The following ITGA4 variants were observed in gnomAD, a reference collection of about 807,000 sequenced individuals.
ITGA4 encodes the protein integrin alpha-4.
A neutral mutation model predicts 133.6 loss-of-function variants in ITGA4; 63 were observed. The ratio of observed to expected loss-of-function variants is 0.47; its 90% CI spans 0.38 to 0.58. The LOEUF (loss-of-function observed/expected upper bound fraction) is 0.58, where lower values mean the gene tolerates loss of function less well. Ranked by LOEUF, ITGA4 falls within the 20% of genes least tolerant of loss-of-function variation. ITGA4 has a pLI of 0.00. For synonymous variants in ITGA4, 483 were observed against 438.0 expected, an observed-to-expected ratio of 1.10 and a Z score of -1.28; for missense variants, 1,076 against 1,252.7, an observed-to-expected ratio of 0.86 and a Z score of 2.13.
At chr2:181,493,100 G>C in intron 10 of ITGA4, 1 of 409,300 alleles carries the variant, frequency 2.4e-6, no homozygotes. Context: ...TTGTTACACT[G>C]CCTCTCAGAT....
chr2:181,519,440 T>C (rs1328483011), intron 17 of ITGA4, among the ~76,000 whole-genome samples: 3 of 152,178 alleles, frequency 2.0e-5, no homozygotes, highest in African/African-American at 7.2e-5. Flanking sequence ...TCTATGCATG[T>C]ATTATACTCT....
intron 17 of ITGA4, among the ~76,000 whole-genome samples, chr2:181,519,547 G>A (rs965779514): frequency 6.6e-6 from 1 of 152,056 alleles, no homozygotes; most frequent in African/African-American, 2.4e-5. Flanking sequence ...AAAGTGGGGG[G>A]AAATATCCAA....
At chr2:181,478,927 ATCT>A (rs1559041524) in intron 5 of ITGA4, 103 bp downstream of exon 5, 10 of 526,072 alleles carry the variant, frequency 1.9e-5, no homozygotes, top group Non-Finnish European at 1.9e-5. Context: ...ATTGTGTAAC[ATCT>A]TCATCATGTC....
At chr2:181,513,949 C>G (rs1332845973) in intron 17 of ITGA4, among the ~76,000 whole-genome samples, 1 of 152,108 alleles carries the variant, frequency 6.6e-6, no homozygotes, top group African/African-American at 2.4e-5. Flanking sequence ...TGCTGCAAAG[C>G]AGGGTCCTGT....
chr2:181,513,108 CTTTCT>C (rs958385404), intron 17 of ITGA4, among the ~76,000 whole-genome samples: 1 of 151,922 alleles, frequency 6.6e-6, no homozygotes, highest in Admixed American at 6.6e-5. Flanking sequence ...TTATTTAGCC[CTTTCT>C]TTTCAGCTGT....
At chr2:181,460,095 G>C (rs1685231908) in intron 2 of ITGA4, among the ~76,000 whole-genome samples, 1 of 152,192 alleles carries the variant, frequency 6.6e-6, no homozygotes, top group Non-Finnish European at 1.5e-5. Context: ...AATAAAAGTG[G>C]AGTGAAAATT....
intron 21 of ITGA4, 66 bp from the exon 22 acceptor site, chr2:181,527,231 A>G: frequency 1.0e-6 from 1 of 962,700 alleles, no homozygotes; most frequent in East Asian, 2.5e-5. Context: ...CAGACTATAG[A>G]AAAAGACTCT....
intron 10 of ITGA4, among the ~76,000 whole-genome samples, chr2:181,490,032 AG>A (rs1166574956): frequency 6.6e-6 from 1 of 152,156 alleles, no homozygotes; most frequent in Admixed American, 6.6e-5. Context: ...TTGAGCAAGC[AG>A]GGGGTACGTG....
At chr2:181,522,442 C>CTTAA (rs968427960) in intron 18 of ITGA4, 101 bp downstream of exon 18, 37 of 789,886 alleles carry the variant, frequency 4.7e-5, no homozygotes, top group Non-Finnish European at 6.9e-5. Flanking sequence ...GGGTATAAGT[C>CTTAA]TTAATATTTA....
At chr2:181,465,466 C>T (rs920169640) in intron 2 of ITGA4, among the ~76,000 whole-genome samples, 2 of 152,002 alleles carry the variant, frequency 1.3e-5, no homozygotes, top group South Asian at 4.1e-4. Flanking sequence ...CAAAACCAAG[C>T]ATGGAACTTT....
intron 1 of ITGA4, 52 bp downstream of exon 1, chr2:181,457,903 T>A: frequency 6.7e-7 from 1 of 1,503,658 alleles, no homozygotes; most frequent in South Asian, 1.2e-5. Context: ...GGCGTGAGAA[T>A]GGCGCCCTAG....
chr2:181,518,025 T>C (rs1686645039), intron 17 of ITGA4, among the ~76,000 whole-genome samples: 8 of 152,004 alleles, frequency 5.3e-5, no homozygotes, highest in African/African-American at 1.2e-4. Context: ...TTAGGTTGCT[T>C]TAGTCCTAAC....
chr2:181,492,220 T>C (rs1686063382), intron 10 of ITGA4, among the ~76,000 whole-genome samples: 1 of 152,230 alleles, frequency 6.6e-6, no homozygotes, highest in South Asian at 2.1e-4. Flanking sequence ...AAAAACTTTG[T>C]ACAAGTCAAA....
At chr2:181,512,749 G>T (rs760879617) in intron 17 of ITGA4, among the ~76,000 whole-genome samples, 27 of 152,088 alleles carry the variant, frequency 1.8e-4, no homozygotes, top group Non-Finnish European at 2.6e-4. Context: ...GTGAAAAAAT[G>T]GGTATCACTG....
At chr2:181,503,565 CTTTTTTTTTT>C (rs147081320) in intron 15 of ITGA4, among the ~76,000 whole-genome samples, 2 of 101,754 alleles carry the variant, frequency 2.0e-5, no homozygotes, top group Non-Finnish European at 3.8e-5. Context: ...AAGAAATTGT[CTTTTTTTTTT>C]TTTTTTTTTT....
intron 2 of ITGA4, among the ~76,000 whole-genome samples, chr2:181,459,638 G>A (rs1037593367): frequency 6.6e-6 from 1 of 152,188 alleles, no homozygotes; most frequent in African/African-American, 2.4e-5. Flanking sequence ...AGAAATCACA[G>A]TAGGAATGCA....
Position 181,534,275 on chromosome 2 carries a change from G to C in ITGA4, c.2788G>C (p.Glu930Gln). The C allele has an allele frequency of 6.3e-7, 1 of 1,587,748 alleles. No individual in the cohort carries two copies. Among genetic ancestry groups the C allele is most frequent in the East Asian group, 2.2e-5 (1 of 44,608 alleles). Residue 930 changes from glutamate (E) to glutamine (Q), a missense_variant, in exon 26 of 28, where the codon GAG becomes CAG. Physicochemically the swap from Glu to Gln is conservative, Grantham distance 29. This residue lies in a region of ITGA4 where 193 missense variants were observed against 172.3 expected (regional missense o/e 1.12). Coordinates refer to ENST00000397033, the MANE Select transcript of ITGA4 (RefSeq NM_000885.6). The part of the protein sequence containing the change: ...EGRPSILEMD[E>Q]TSALKFEIRA... ...TGATCCTTCTTTTATTAAACAGGAT[G>C]AGACTTCAGCACTCAAGTTTGAAAT... is the stretch of plus-strand genomic sequence containing the variant.
intron 4 of ITGA4, 21 bp downstream of exon 4, chr2:181,475,309 G>A (rs202075025): frequency 1.7e-5 from 27 of 1,585,436 alleles, no homozygotes; most frequent in South Asian, 7.9e-5. Context: ...ATTTTGATAC[G>A]AATTAGATAA....
At position 181,538,273 on chromosome 2, in the gene ITGA4, C is replaced by T; in HGVS notation, c.*2746C>T. On this transcript the variant is annotated 3_prime_UTR_variant, in exon 28 of 28. Coordinates refer to ENST00000397033, the MANE Select transcript of ITGA4 (RefSeq NM_000885.6). ...TAAAGAAAATACATTATTTCATCAA[C>T]TTATTTTGTTGTTTTTCACATACAC... The T allele has an allele frequency of 7.1e-7, 1 of 1,416,112 alleles. No individual in the cohort carries two copies. The highest frequency in any genetic ancestry group is 1.4e-5 in the African/African-American group (1 of 70,942). The allele number at this position is 1,416,112 out of a possible 1,614,324, so 87.7% of individuals were successfully genotyped here.
Sources: gnomAD v4.1 joint callset for allele counts (sites outside exome capture counted in the v4.1 genomes callset) on GRCh38, gnomAD v4.1.1 for gene constraint, gnomAD v4.1.1 regional missense constraint, MANE v1.5 for transcripts, NCBI Gene and HGNC (gene_info 2026-07-23, HGNC 2026-07-21) for gene names.